The following C12orf56 variants were observed in gnomAD, a reference collection of about 807,000 sequenced individuals.
The protein encoded by C12orf56 is uncharacterized protein C12orf56.
A neutral mutation model predicts 69.9 loss-of-function variants in C12orf56; 71 were observed. That is an observed-to-expected ratio of 1.02 (90% CI 0.84 to 1.24). The LOEUF is 1.24. Among genes scored for constraint, C12orf56 ranks in the 50% most tolerant of loss-of-function variants. The pLI is 0.00. For synonymous variants in C12orf56, 276 were observed against 274.1 expected (o/e 1.01, Z -0.07); for missense variants, 732 against 738.5 (o/e 0.99, Z 0.10).
chr12:64,349,260 A>C (rs1443848451), intron 2 of C12orf56, among the ~76,000 whole-genome samples: 1 of 152,238 alleles, frequency 6.6e-6, no homozygotes, highest in East Asian at 1.9e-4. Context: ...CAACAAACAT[A>C]TGAAAAAATG....
At chr12:64,319,946 A>G (rs1295522452) in intron 3 of C12orf56, among the ~76,000 whole-genome samples, 1 of 151,802 alleles carries the variant, frequency 6.6e-6, no homozygotes, top group Non-Finnish European at 1.5e-5. Flanking sequence ...GCTCGAGCTG[A>G]GCTTTCGCTC....
chr12:64,322,695 A>T (rs2038788310), intron 3 of C12orf56, among the ~76,000 whole-genome samples: 1 of 152,172 alleles, frequency 6.6e-6, no homozygotes, highest in South Asian at 2.1e-4. Flanking sequence ...TCTCATCATT[A>T]GGCCCAAAAC....
chr12:64,388,855 CA>C (rs565914833), intron 1 of C12orf56, among the ~76,000 whole-genome samples: 2 of 151,800 alleles, frequency 1.3e-5, no homozygotes, highest in Non-Finnish European at 2.9e-5. Flanking sequence ...AGACTGTCTC[CA>C]AAAAAATTGT....
At chr12:64,306,478 T>TTCTTGTGCC (rs2038514290) in intron 5 of C12orf56, among the ~76,000 whole-genome samples, 1 of 151,608 alleles carries the variant, frequency 6.6e-6, no homozygotes, top group African/African-American at 2.4e-5. Flanking sequence ...GTTCAAGCGA[T>TTCTTGTGCC]TCTTGTGCCT....
chr12:64,270,795 A>G (rs1565732096), intron 11 of C12orf56, 81 bp from the exon 12 acceptor site: 3 of 1,207,416 alleles, frequency 2.5e-6, no homozygotes, highest in Non-Finnish European at 3.5e-6. Context: ...TCAACTACAA[A>G]TCTAGACTGA....
chr12:64,344,786 A>G (rs761906834), intron 2 of C12orf56, among the ~76,000 whole-genome samples: 1 of 152,102 alleles, frequency 6.6e-6, no homozygotes, highest in Non-Finnish European at 1.5e-5. Flanking sequence ...TAAAATGACT[A>G]ATCCACTCCA....
At chr12:64,330,754 A>G (rs1225473874) in intron 3 of C12orf56, among the ~76,000 whole-genome samples, 2 of 152,228 alleles carry the variant, frequency 1.3e-5, no homozygotes, top group East Asian at 3.8e-4. Context: ...TCAGTAATAT[A>G]TAGAAAATTA....
At chr12:64,297,459 A>G (rs1442132652) in intron 6 of C12orf56, among the ~76,000 whole-genome samples, 1 of 151,880 alleles carries the variant, frequency 6.6e-6, no homozygotes, top group Non-Finnish European at 1.5e-5. Flanking sequence ...TGTTATACAC[A>G]TGCCATGGTG....
intron 3 of C12orf56, among the ~76,000 whole-genome samples, chr12:64,325,012 T>TTTTTTTG (rs2038820035): frequency 6.6e-6 from 1 of 152,188 alleles, no homozygotes; most frequent in Non-Finnish European, 1.5e-5. Context: ...AACTGAACAC[T>TTTTTTTG]GTCCCTAAAG....
chr12:64,325,371 AAAAGAAG>A (rs2038825078), intron 3 of C12orf56, among the ~76,000 whole-genome samples: 1 of 84,742 alleles, frequency 1.2e-5, no homozygotes, highest in African/African-American at 4.5e-5. Context: ...TAAAAAAAAA[AAAAGAAG>A]AAGAAGAAGA....
intron 8 of C12orf56, among the ~76,000 whole-genome samples, chr12:64,283,310 C>T (rs1039007136): frequency 2.0e-5 from 3 of 152,108 alleles, no homozygotes; most frequent in Non-Finnish European, 2.9e-5. Flanking sequence ...TGCCATTGCA[C>T]CCCAGCCTGG....
intron 7 of C12orf56, 65 bp from the exon 8 acceptor site, chr12:64,284,818 A>G (rs2038178546): frequency 7.7e-7 from 1 of 1,290,524 alleles, no homozygotes; most frequent in Non-Finnish European, 1.1e-6. Flanking sequence ...GAATTCCACA[A>G]AAGTAGTAAT....
At chr12:64,303,043 C>T (rs914936060) in intron 6 of C12orf56, among the ~76,000 whole-genome samples, 15 of 151,952 alleles carry the variant, frequency 9.9e-5, no homozygotes, top group South Asian at 4.2e-4. Context: ...GAGGCCAAGA[C>T]GGGTGGATCA....
In C12orf56 at chr12:64,329,542, A is replaced by G. The variant is rs2038899784; in HGVS notation, c.488+1418T>C. ...ATTTATTTATTTATTTTTTATTATT[A>G]CACTTTAAGTTTTAGGGTACATGTG... is the stretch of plus-strand genomic sequence containing the variant. On this transcript the variant is annotated intron_variant, in intron 3 of 12. Transcript: ENST00000543942. 2.6e-5 allele frequency among the ~76,000 whole-genome samples: 4 copies of G among 150,970 alleles called. No individual in the cohort carries two copies. In the South Asian group the frequency reaches 8.3e-4, roughly 31 times the overall value.
chr12:64,388,476 C>T (rs1003312684), intron 1 of C12orf56, among the ~76,000 whole-genome samples: 11 of 152,126 alleles, frequency 7.2e-5, no homozygotes, highest in Non-Finnish European at 1.2e-4. Flanking sequence ...CTCCTAGGCT[C>T]ATGTGATTCC....
At chr12:64,283,296 A>ATCG (rs2038155745) in intron 8 of C12orf56, among the ~76,000 whole-genome samples, 1 of 152,248 alleles carries the variant, frequency 6.6e-6, no homozygotes, top group South Asian at 2.1e-4. Context: ...GTGAGCTGAA[A>ATCG]TCGTGCCATT....
At chr12:64,338,145 T>A in intron 2 of C12orf56, 1 of 549,010 alleles carries the variant, frequency 1.8e-6, no homozygotes, top group Non-Finnish European at 3.6e-6. Context: ...GCAGGAGAGC[T>A]GAGGACGAGC....
intron 1 of C12orf56, among the ~76,000 whole-genome samples, chr12:64,386,398 A>ATATTTTT (rs752756817): frequency 2.1e-3 from 187 of 87,338 alleles, no homozygotes; most frequent in African/African-American, 6.6e-3. Flanking sequence ...ATATATATAT[A>ATATTTTT]TTTTTTTTTT....
chr12:64,335,553 A>C (rs545699518), intron 2 of C12orf56, among the ~76,000 whole-genome samples: 3 of 152,068 alleles, frequency 2.0e-5, no homozygotes, highest in Non-Finnish European at 4.4e-5. Context: ...CAATTCAGGT[A>C]TGGCATGTTG....
Sources: gnomAD v4.1 joint callset for allele counts (sites outside exome capture counted in the v4.1 genomes callset) on GRCh38, gnomAD v4.1.1 for gene constraint, MANE v1.5 for transcripts, NCBI Gene and HGNC (gene_info 2026-07-23, HGNC 2026-07-21) for gene names.